ZNF407: variants seen among roughly 807,000 people sequenced by gnomAD.
ZNF407 encodes zinc finger protein 407.
Under a neutral mutation model 131.2 loss-of-function variants are expected in ZNF407, and 17 were observed. The observed-to-expected ratio is 0.13, with a 90% CI of 0.09 to 0.19. ZNF407 has a LOEUF of 0.19. ZNF407 is among the 10% of genes least tolerant of loss of function. The pLI is 1.00. For missense variants in ZNF407, 2,681 were observed against 2,830.6 expected (o/e 0.95, Z 1.20); for synonymous variants, 1,156 against 1,062.0 (o/e 1.09, Z -1.72).
chr18:74,926,510 A>C (rs573226230), intron 8 of ZNF407, among the ~76,000 whole-genome samples: 1 of 152,304 alleles, frequency 6.6e-6, no homozygotes, highest in Admixed American at 6.5e-5. Context: ...ACACATTTTA[A>C]AATAGTTTTA....
At chr18:74,604,283 T>C (rs1427035677) in intron 1 of ZNF407, among the ~76,000 whole-genome samples, 1 of 152,220 alleles carries the variant, frequency 6.6e-6, no homozygotes, top group Non-Finnish European at 1.5e-5. Flanking sequence ...TAGCTTTTGG[T>C]TTGCATCCGT....
intron 8 of ZNF407, among the ~76,000 whole-genome samples, chr18:75,032,847 G>A (rs1157759058): frequency 3.3e-5 from 4 of 120,682 alleles, no homozygotes; most frequent in African/African-American, 1.0e-4. Flanking sequence ...AAGAGTGCTC[G>A]GAATGGGGGG....
intron 3 of ZNF407, among the ~76,000 whole-genome samples, chr18:74,746,977 G>A (rs1222270246): frequency 2.0e-5 from 3 of 152,058 alleles, no homozygotes; most frequent in African/African-American, 7.2e-5. Flanking sequence ...CACCACAAAC[G>A]AATAATGCAC....
chr18:74,957,834 G>C (rs1972293915), intron 8 of ZNF407, among the ~76,000 whole-genome samples: 1 of 152,220 alleles, frequency 6.6e-6, no homozygotes, highest in Non-Finnish European at 1.5e-5. Context: ...TCTGGCATAT[G>C]CTGTGTACTC....
Position 75,002,677 on chromosome 18 carries a change from C to T in ZNF407, c.5429-60473C>T, listed in dbSNP as rs938697508. Among the ~76,000 whole-genome samples, 7 of 151,924 alleles carry T rather than the reference C, an allele frequency of 4.6e-5. No homozygotes were observed. The East Asian group carries it at 5.8e-4, about 13-fold the overall frequency. On this transcript the variant is annotated intron_variant, in intron 8 of 8. Coordinates refer to ENST00000299687, the MANE Select transcript of ZNF407 (RefSeq NM_017757.3). ...AAAATTAACCGGGCGTGGTGACGGG[C>T]GCCTGTAGTCCCAGCTACTCGGGAG...
At chr18:74,612,745 A>G (rs1279190422) in intron 1 of ZNF407, among the ~76,000 whole-genome samples, 2 of 152,216 alleles carry the variant, frequency 1.3e-5, no homozygotes, top group Non-Finnish European at 2.9e-5. Flanking sequence ...CGTTATTAAT[A>G]AGTGTTATCC....
intron 8 of ZNF407, among the ~76,000 whole-genome samples, chr18:74,973,699 C>T (rs1012088561): frequency 4.6e-5 from 7 of 152,090 alleles, no homozygotes; most frequent in African/African-American, 1.7e-4. Flanking sequence ...TTATAGAGGC[C>T]AGAAGTCTGC....
At chr18:74,848,436 C>T (rs1041000364) in intron 4 of ZNF407, among the ~76,000 whole-genome samples, 3 of 152,108 alleles carry the variant, frequency 2.0e-5, no homozygotes, top group East Asian at 3.9e-4. Context: ...TGGGTTGTGA[C>T]GGATGCTTTA....
intron 7 of ZNF407, among the ~76,000 whole-genome samples, chr18:74,919,511 AT>A (rs1313339087): frequency 6.6e-6 from 1 of 152,122 alleles, no homozygotes; most frequent in African/African-American, 2.4e-5. Context: ...TTATTCCACA[AT>A]ACCTTTGGGA....
rs200738619 is a variant in ZNF407, at chr18:74,781,429, G to A, written c.4804G>A (p.Val1602Ile). ...TAATTACTTTTGTTTATTTTTTAGGGTTGCTTTTGTAATGAAGAAGCACTT... is the reference window on the plus strand; with the variant it reads ...TAATTACTTTTGTTTATTTTTTAGGATTGCTTTTGTAATGAAGAAGCACTT... ...MREYKCHVCG[V>I]AFVMKKHLNT... Residue 1602 changes from valine (V) to isoleucine (I), a missense_variant and splice_region_variant, in exon 4 of 9, where the codon GTT becomes ATT. By Grantham distance (29) the Val-to-Ile change is conservative (BLOSUM62 3). Coordinates refer to ENST00000299687, the MANE Select transcript of ZNF407 (RefSeq NM_017757.3). 123 of 1,535,126 alleles carry A rather than the reference G, an allele frequency of 8.0e-5. No individual in the cohort carries two copies. Among genetic ancestry groups the A allele is most frequent in the Middle Eastern group, 5.1e-4 (3 of 5,930 alleles).
intron 4 of ZNF407, among the ~76,000 whole-genome samples, chr18:74,816,872 A>G (rs1801292575): frequency 6.6e-6 from 1 of 152,206 alleles, no homozygotes; most frequent in African/African-American, 2.4e-5. Context: ...ATTATTTTCT[A>G]TAGACCTTTA....
chr18:74,792,056 T>C (rs1003508654), intron 4 of ZNF407, among the ~76,000 whole-genome samples: 5 of 152,216 alleles, frequency 3.3e-5, no homozygotes, highest in East Asian at 1.9e-4. Context: ...GAATGTCGCC[T>C]GTGACGCTGT....
Position 74,766,121 on chromosome 18 carries a change from T to C in ZNF407, c.4803-15307T>C, listed in dbSNP as rs543069057. On this transcript the variant is annotated intron_variant, in intron 3 of 8. Coordinates refer to ENST00000299687, the MANE Select transcript of ZNF407 (RefSeq NM_017757.3). ...AAGTTAATATACTTGTTACAGAAAT[T>C]TGGTCTCATGCAACAATGGGAGCTT... 5.3e-5 allele frequency among the ~76,000 whole-genome samples: 8 copies of C among 152,084 alleles called. No individual in the cohort carries two copies. In the South Asian group the frequency reaches 1.7e-3, roughly 32 times the overall value.
intron 3 of ZNF407, among the ~76,000 whole-genome samples, chr18:74,719,851 CTGAG>C (rs1215507313): frequency 6.6e-6 from 1 of 152,286 alleles, no homozygotes; most frequent in African/African-American, 2.4e-5. Flanking sequence ...GTTTTTATGG[CTGAG>C]TAATACTCCA....
chr18:74,935,941 C>G (rs763068214), intron 8 of ZNF407, among the ~76,000 whole-genome samples: 1 of 152,074 alleles, frequency 6.6e-6, no homozygotes, highest in Non-Finnish European at 1.5e-5. Flanking sequence ...CCTTTTCTCC[C>G]TGTATGTAAT....
chr18:75,040,541 G>A (rs538324160), intron 8 of ZNF407, among the ~76,000 whole-genome samples: 1 of 152,162 alleles, frequency 6.6e-6, no homozygotes, highest in East Asian at 1.9e-4. Context: ...TATTATACTT[G>A]TTGAGGTTGA....
intron 3 of ZNF407, among the ~76,000 whole-genome samples, chr18:74,723,431 A>T (rs1446860370): frequency 6.6e-6 from 1 of 152,154 alleles, no homozygotes; most frequent in Admixed American, 6.5e-5. Flanking sequence ...AAGACTGGGT[A>T]TGTTTTCATT....
rs752018856 is a variant in ZNF407 at position 74,632,238 on chromosome 18, G to C, written c.1219G>C (p.Gly407Arg). The change falls in exon 2 of 9, where the codon GGT becomes CGT. Residue 407 changes from glycine (G) to arginine (R), a missense_variant. Physicochemically the swap from Gly to Arg is moderately radical, Grantham distance 125. Transcript: ENST00000299687. ...AAAAAATACCCTTCAGGCAGCACACGGTAACAGTGTAACCTCGAGGCCAAG... is the reference window on the plus strand; with the variant it reads ...AAAAAATACCCTTCAGGCAGCACACCGTAACAGTGTAACCTCGAGGCCAAG... ...STKNTLQAAH[G>R]NSVTSRPRPE... The C allele has an allele frequency of 8.7e-6, 14 of 1,613,952 alleles. No individual in the cohort carries two copies. Among genetic ancestry groups the C allele is most frequent in the Non-Finnish European group, 1.2e-5 (14 of 1,179,892 alleles).
intron 3 of ZNF407, among the ~76,000 whole-genome samples, chr18:74,731,305 G>A (rs1252879287): frequency 2.6e-5 from 4 of 152,104 alleles, no homozygotes; most frequent in African/African-American, 9.7e-5. Context: ...GATGCATTTC[G>A]GGCGAGTCAC....
Sources: gnomAD v4.1 joint callset for allele counts (sites outside exome capture counted in the v4.1 genomes callset) on GRCh38, gnomAD v4.1.1 for gene constraint, MANE v1.5 for transcripts, NCBI Gene and HGNC (gene_info 2026-07-23, HGNC 2026-07-21) for gene names.